GATA4: variants seen among roughly 807,000 people sequenced by gnomAD.
The protein encoded by GATA4 is GATA binding protein 4.
GATA4 carries 7 observed loss-of-function variants against 37.9 expected under a neutral mutation model. The observed-to-expected ratio is 0.18, with a 90% confidence interval of 0.11 to 0.35. GATA4 has a LOEUF of 0.35. GATA4 is among the 10% of genes least tolerant of loss of function. The probability of loss-of-function intolerance (pLI) is 1.00; values close to 1 mark genes in which losing one functional copy is unlikely to be tolerated. For synonymous variants in GATA4, 372 were observed against 292.6 expected (o/e 1.27, Z -2.77); for missense variants, 647 against 653.0 (o/e 0.99, Z 0.10).
intron 2 of GATA4, among the ~76,000 whole-genome samples, chr8:11,732,573 T>A (rs1189889268): frequency 6.6e-6 from 1 of 152,196 alleles, no homozygotes; most frequent in Non-Finnish European, 1.5e-5. Flanking sequence ...ATAAAATAGA[T>A]AATTCAAGAT....
chr8:11,723,670 A>T (rs74894361), intron 2 of GATA4, among the ~76,000 whole-genome samples: 66 of 152,368 alleles, frequency 4.3e-4, no homozygotes, highest in Non-Finnish European at 7.5e-4. Flanking sequence ...GTCATTCAAC[A>T]TGCAGAGTCA....
intron 5 of GATA4, chr8:11,756,406 A>C: frequency 5.2e-6 from 1 of 191,888 alleles, no homozygotes; most frequent in South Asian, 9.5e-5. Context: ...ATTTCCTCTC[A>C]CGTAGCAATC....
intron 2 of GATA4, among the ~76,000 whole-genome samples, chr8:11,727,743 C>T (rs13277376): frequency 2.2e-4 from 34 of 151,584 alleles, no homozygotes; most frequent in Non-Finnish European, 3.4e-4. Context: ...AGGGAGGCTG[C>T]GGTGGGACGA....
At chr8:11,721,020 C>A (rs957826976) in intron 2 of GATA4, among the ~76,000 whole-genome samples, 1 of 152,074 alleles carries the variant, frequency 6.6e-6, no homozygotes, top group Non-Finnish European at 1.5e-5. Context: ...GTGAGCCTGG[C>A]GCTGGTCAGG....
At chr8:11,735,896 C>T (rs1276868165) in intron 2 of GATA4, among the ~76,000 whole-genome samples, 2 of 151,432 alleles carry the variant, frequency 1.3e-5, no homozygotes, top group South Asian at 2.1e-4. Flanking sequence ...TCTTCTGTAC[C>T]GTTTGCCTGT....
At chr8:11,718,643 C>G (rs927142149) in intron 2 of GATA4, among the ~76,000 whole-genome samples, 6 of 152,206 alleles carry the variant, frequency 3.9e-5, no homozygotes, top group African/African-American at 1.4e-4. Context: ...AGATCAAAGC[C>G]ATGGGTTTTG....
chr8:11,750,269 G>A, intron 4 of GATA4, 33 bp downstream of exon 4: 3 of 1,609,214 alleles, frequency 1.9e-6, no homozygotes, highest in Non-Finnish European at 2.5e-6. Flanking sequence ...CGGCATCCTT[G>A]CCTTCTGATG....
rs564326242 is a variant in GATA4 at position 11,681,005 on chromosome 8, C to G, written c.-274+3942C>G. 1.4e-4 allele frequency: 134 copies of G among 947,020 alleles called. No homozygotes were observed. The African/African-American group carries it at 2.2e-3, about 16-fold the overall frequency. 58.7% of individuals were successfully genotyped at this position (947,020 alleles called of 1,614,324 possible). On this transcript the variant is annotated intron_variant, in intron 1 of 6. Coordinates refer to the GATA4 transcript ENST00000528712. ...TCCCCCTGCAGAGAGACCCCGCACCCCCGAATCCCATACCCCAGGCTGCAA... is the reference window on the plus strand; with the variant it reads ...TCCCCCTGCAGAGAGACCCCGCACCGCCGAATCCCATACCCCAGGCTGCAA...
At chr8:11,730,916 T>C (rs1801175979) in intron 2 of GATA4, among the ~76,000 whole-genome samples, 1 of 152,310 alleles carries the variant, frequency 6.6e-6, no homozygotes, top group South Asian at 2.1e-4. Flanking sequence ...CCTTGGGAGC[T>C]CACATTTCAG....
At chr8:11,732,359 A>C (rs929896399) in intron 2 of GATA4, among the ~76,000 whole-genome samples, 4 of 152,126 alleles carry the variant, frequency 2.6e-5, no homozygotes, top group Admixed American at 6.5e-5. Context: ...GGTGCTTTAG[A>C]TGGGAGGAAG....
At chr8:11,746,482 G>T (rs140888558) in intron 2 of GATA4, among the ~76,000 whole-genome samples, 4 of 152,224 alleles carry the variant, frequency 2.6e-5, no homozygotes, top group Non-Finnish European at 5.9e-5. Flanking sequence ...GCTAGACCGC[G>T]TGTCTTGGTT....
rs562619374 is a variant in GATA4 at position 11,682,585 on chromosome 8, T to TA, written c.-274+5525dup. 1.4e-3 allele frequency among the ~76,000 whole-genome samples: 189 copies of TA among 134,034 alleles called. 1 individual carries two copies. Among genetic ancestry groups the TA allele is most frequent in the Non-Finnish European group, 2.4e-3 (147 of 61,392 alleles). The allele number at this position is 134,034 out of a possible 152,430, so 87.9% of individuals were successfully genotyped here. On this transcript the variant is annotated intron_variant, in intron 1 of 6. Transcript: ENST00000528712. ...GAAGTTTTTTTCCCTTCAAGAAACT[T>TA]AAAGAAAGCTTTAACTCTTAAAAAA...
chr8:11,754,970 C>A, intron 4 of GATA4, 76 bp from the exon 5 acceptor site: 2 of 1,161,308 alleles, frequency 1.7e-6, no homozygotes, highest in Non-Finnish European at 2.6e-6. Context: ...CTTCTCGCAG[C>A]AGGTGTGTGT....
chr8:11,681,157 T>G, intron 1 of GATA4: 1 of 985,256 alleles, frequency 1.0e-6, no homozygotes, highest in Non-Finnish European at 1.2e-6. Context: ...AGCTCCGTTC[T>G]GTTCGCAGAA....
intron 2 of GATA4, among the ~76,000 whole-genome samples, chr8:11,727,465 C>T (rs1800983614): frequency 6.6e-6 from 1 of 152,120 alleles, no homozygotes; most frequent in African/African-American, 2.4e-5. Context: ...ATGGGGACCG[C>T]CAACTTTTTA....
At chr8:11,693,562 CAGAGAGAGAGAGAG>C (rs139631153) in intron 1 of GATA4, among the ~76,000 whole-genome samples, 4 of 72,230 alleles carry the variant, frequency 5.5e-5, no homozygotes, top group African/African-American at 2.0e-4. Context: ...CACACACACA[CAGAGAGAGAGAGAG>C]AGAGAGAGAG....
At chr8:11,679,925 G>A (rs543406148) in intron 1 of GATA4, among the ~76,000 whole-genome samples, 94 of 152,310 alleles carry the variant, frequency 6.2e-4, no homozygotes, top group African/African-American at 2.1e-3. Context: ...GTGTGTCGCC[G>A]AATAGTTTAC....
intron 1 of GATA4, among the ~76,000 whole-genome samples, chr8:11,705,132 A>G (rs1207065356): frequency 3.9e-5 from 6 of 152,074 alleles, no homozygotes; most frequent in Non-Finnish European, 8.8e-5. Context: ...CTGGGGAAAG[A>G]GCGTGGTGGG....
intron 2 of GATA4, among the ~76,000 whole-genome samples, chr8:11,740,663 C>T (rs963150136): frequency 2.0e-5 from 3 of 151,944 alleles, no homozygotes; most frequent in Non-Finnish European, 4.4e-5. Flanking sequence ...TGCTGCCATT[C>T]GGGAGAGTTT....
Sources: gnomAD v4.1 joint callset for allele counts (sites outside exome capture counted in the v4.1 genomes callset) on GRCh38, gnomAD v4.1.1 for gene constraint, MANE v1.5 for transcripts, NCBI Gene and HGNC (gene_info 2026-07-23, HGNC 2026-07-21) for gene names.